INPP1: variants seen among roughly 807,000 people sequenced by gnomAD.
INPP1 encodes inositol polyphosphate 1-phosphatase.
In INPP1, 18 loss-of-function variants were observed where a neutral mutation model predicts 23.0. The observed-to-expected ratio is 0.78, with a 90% CI of 0.54 to 1.16. The LOEUF is 1.16. Ranked by LOEUF, INPP1 falls within the 50% of genes most tolerant of loss-of-function variation. The pLI is 0.00. For synonymous variants in INPP1, 164 were observed against 176.3 expected, an observed-to-expected ratio of 0.93 and a Z score of 0.55; for missense variants, 448 against 482.1, an observed-to-expected ratio of 0.93 and a Z score of 0.66.
At chr2:190,362,556 T>A (rs952677926) in intron 3 of INPP1, 71 bp from the exon 4 acceptor site, 26 of 858,202 alleles carry the variant, frequency 3.0e-5, no homozygotes, top group Non-Finnish European at 4.5e-5. Flanking sequence ...AATATAAAAT[T>A]GAAATCTGTT....
At chr2:190,360,744 G>C (rs932799983) in intron 3 of INPP1, among the ~76,000 whole-genome samples, 1 of 151,346 alleles carries the variant, frequency 6.6e-6, no homozygotes, top group African/African-American at 2.4e-5. Context: ...CACATACAAT[G>C]TATTGCAACA....
At position 190,354,639 on chromosome 2, in the gene INPP1, C is replaced by T. The variant is rs933024055; in HGVS notation, c.-64-5400C>T. 5.3e-5 allele frequency among the ~76,000 whole-genome samples: 8 copies of T among 152,240 alleles called. No individual in the cohort carries two copies. The highest frequency in any genetic ancestry group is 1.7e-4 in the African/African-American group (7 of 41,464). On this transcript the variant is annotated intron_variant, in intron 2 of 6. Transcript: ENST00000392329. This position sits in a 1 kb window ranked among gnomAD's most constrained non-coding sequence, Gnocchi z 4.8. ...AAACCAGTCCTGCTGACACCTTGCT[C>T]TTGGACTTCCAGTCCCCAGAACTGT...
chr2:190,347,686 A>G (rs1266800279), intron 1 of INPP1, among the ~76,000 whole-genome samples: 4 of 152,216 alleles, frequency 2.6e-5, no homozygotes, highest in African/African-American at 4.8e-5. Flanking sequence ...TTTTCCTCTA[A>G]AGTGACAGTG....
chr2:190,360,255 G>T lies in INPP1; in HGVS notation c.153G>T (p.Thr51=), dbSNP rs4656. The change falls in exon 3 of 7, where the codon ACG becomes ACT. Residue 51 remains threonine (T), a synonymous_variant. Coordinates refer to ENST00000392329, the MANE Select transcript of INPP1 (RefSeq NM_001128928.2). The stretch of plus-strand genomic sequence containing the variant: ...AGAAGTTTGCAGTTGACTTCAAGAC[G>T]CTGGCTGATGTACTGGTACAGGAAG... The part of the protein sequence containing the change: ...KNKKFAVDFK[T]LADVLVQEVI... The T allele has an allele frequency of 0.33, 525,136 of 1,613,426 alleles. 91,665 individuals carry two copies. Among genetic ancestry groups the T allele is most frequent in the African/African-American group, 0.66 (49,761 of 74,926 alleles).
rs7592352 is a variant in INPP1 at position 190,370,884 on chromosome 2, A to G, written c.682A>G (p.Thr228Ala). The change falls in exon 7 of 7, where the codon ACC becomes GCC. Residue 228 changes from threonine to alanine, a missense_variant. Physicochemically the swap from Thr to Ala is moderately conservative, Grantham distance 58. Transcript: ENST00000392329. ...CTATTGGGGCCTTTCTTACATGGGG[A>G]CCAACATGCATTCACTACAGCTCAC... ...QCYWGLSYMG[T>A]NMHSLQLTIS... 0.027 allele frequency: 43,811 copies of G among 1,613,766 alleles called. 1,506 individuals are homozygous for G. Among genetic ancestry groups the G allele is most frequent in the African/African-American group, 0.16 (12,236 of 74,976 alleles).
chr2:190,350,825 AAATT>A (rs1255789312), intron 2 of INPP1, among the ~76,000 whole-genome samples: 2 of 152,246 alleles, frequency 1.3e-5, no homozygotes, highest in African/African-American at 2.4e-5. Context: ...TGATTTAATT[AAATT>A]AATCTTGTCA....
chr2:190,353,110 C>A (rs1393293554), intron 2 of INPP1, among the ~76,000 whole-genome samples: 1 of 152,184 alleles, frequency 6.6e-6, no homozygotes, highest in Non-Finnish European at 1.5e-5. Context: ...GTGGCAGGCC[C>A]TTATCTATGT....
chr2:190,369,218 G>T lies in INPP1; in HGVS notation c.582G>T (p.Gly194=), dbSNP rs199940421. ...TTGGTGTCTATGACATACAGACAGGGGTTCCCCTGATGGGAGTCATCAATC... is the reference window on the plus strand; with the variant it reads ...TTGGTGTCTATGACATACAGACAGGTGTTCCCCTGATGGGAGTCATCAATC... ...ILIGVYDIQT[G]VPLMGVINQP... Residue 194 remains glycine, a synonymous_variant, in exon 6 of 7, where the codon GGG becomes GGT. Coordinates refer to ENST00000392329, the MANE Select transcript of INPP1 (RefSeq NM_001128928.2). 2 of 1,605,278 alleles carry T rather than the reference G, an allele frequency of 1.2e-6. No homozygotes were observed. Among genetic ancestry groups the T allele is most frequent in the Non-Finnish European group, 1.7e-6 (2 of 1,173,116 alleles).
intron 1 of INPP1, among the ~76,000 whole-genome samples, chr2:190,348,198 T>C (rs144224398): frequency 6.6e-6 from 1 of 152,278 alleles, no homozygotes; most frequent in African/African-American, 2.4e-5. Context: ...GAAATCAACT[T>C]AAATAGCCTA....
rs1349411129 is a variant in INPP1 at position 190,367,093 on chromosome 2, C to T, written c.466+198C>T. Among the ~76,000 whole-genome samples, 3 of 151,896 alleles carry T rather than the reference C, an allele frequency of 2.0e-5. No homozygotes were observed. Among genetic ancestry groups the T allele is most frequent in the Non-Finnish European group, 4.4e-5 (3 of 68,006 alleles). ...TGTATATATACATATATATTATAGC[C>T]GTGTGTATATATATACATATCTATA... On this transcript the variant is annotated intron_variant, in intron 5 of 6. Transcript: ENST00000392329. The surrounding 1 kb of genome is among the most constrained non-coding windows in gnomAD (Gnocchi z 4.1).
rs1420156535 is a variant in INPP1 at position 190,367,772 on chromosome 2, C to T, written c.466+877C>T. 6.6e-6 allele frequency among the ~76,000 whole-genome samples: 1 copy of T among 152,096 alleles called. No individual in the cohort carries two copies. Among genetic ancestry groups the T allele is most frequent in the Admixed American group, 6.5e-5 (1 of 15,272 alleles). ...TAGAGAAGGGGTTTTTACCATGTTT[C>T]CCAGGCTGGTCTCGAACTCCTGGGT... On this transcript the variant is annotated intron_variant, in intron 5 of 6. Transcript: ENST00000392329. The surrounding 1 kb of genome is among the most constrained non-coding windows in gnomAD (Gnocchi z 4.1).
At chr2:190,348,743 T>C (rs969533355) in intron 1 of INPP1, 145 bp from the exon 2 acceptor site, 3 of 152,246 alleles carry the variant, frequency 2.0e-5, no homozygotes, top group Non-Finnish European at 4.4e-5. Flanking sequence ...GGCTGAATAA[T>C]ATTTCCCAAT....
intron 2 of INPP1, among the ~76,000 whole-genome samples, chr2:190,350,237 C>T (rs796182169): frequency 3.8e-4 from 58 of 152,314 alleles, no homozygotes; most frequent in African/African-American, 1.3e-3. Context: ...AAAATTGTTA[C>T]GTTACTACAG....
In INPP1 at chr2:190,369,408, C is replaced by T. The variant is rs141259736; in HGVS notation, c.641+131C>T. The T allele has an allele frequency of 9.8e-4, 487 of 495,152 alleles. 11 individuals carry two copies. In the East Asian group the frequency reaches 0.014, roughly 15 times the overall value. 30.7% of individuals were successfully genotyped at this position (495,152 alleles called of 1,614,324 possible). Reference sequence around the variant, plus strand: ...TGGGAGTGTTGCCATTGAAAGTCTGCGTATTTGAATTAAAGTTCTATTTTC... The same window carrying T: ...TGGGAGTGTTGCCATTGAAAGTCTGTGTATTTGAATTAAAGTTCTATTTTC... On this transcript the variant is annotated intron_variant, in intron 6 of 6. Transcript: ENST00000392329.
Position 190,354,042 on chromosome 2 carries a change from C to A in INPP1, c.-65+5011C>A, listed in dbSNP as rs59822230. On this transcript the variant is annotated intron_variant, in intron 2 of 6. Coordinates refer to ENST00000392329, the MANE Select transcript of INPP1 (RefSeq NM_001128928.2). The surrounding 1 kb of genome is among the most constrained non-coding windows in gnomAD (Gnocchi z 4.8). ...CAATTTTATGTTAAACATATAGATA[C>A]GTACATTTGGTTTGAGATGGAAGGA... Among the ~76,000 whole-genome samples the A allele has an allele frequency of 0.02, 3,070 of 152,222 alleles. 109 individuals carry two copies. The highest frequency in any genetic ancestry group is 0.069 in the African/African-American group (2,859 of 41,528).
In INPP1 at chr2:190,344,574, A is replaced by G. The variant is rs544793567; in HGVS notation, c.-209+613A>G. Among the ~76,000 whole-genome samples, 3 of 152,338 alleles carry G rather than the reference A, an allele frequency of 2.0e-5. No individual in the cohort carries two copies. In the South Asian group the frequency reaches 6.2e-4, roughly 32 times the overall value. On this transcript the variant is annotated intron_variant, in intron 1 of 6. Transcript: ENST00000392329. ...CTGCATTTTGAAAGGTGGTTTTGTG[A>G]GGTGTGCATAATTAGTTGGTGTGTC...
In INPP1 at chr2:190,365,891, GTCTCTTGCTCTGTCTCGC is replaced by G. The variant is rs1339524317; in HGVS notation, c.266-787_266-770del. Among the ~76,000 whole-genome samples, 7 of 139,430 alleles carry G rather than the reference GTCTCTTGCTCTGTCTCGC, an allele frequency of 5.0e-5. No homozygotes were observed. The East Asian group carries it at 1.6e-3, about 32-fold the overall frequency. The allele number at this position is 139,430 out of a possible 152,430, so 91.5% of individuals were successfully genotyped here. ...TCTCTCTTGCTCTGTCTCTCTCTGT[GTCTCTTGCTCTGTCTCGC>G]TCTCTTGCTCTGTCTCACTGTCTCT... On this transcript the variant is annotated intron_variant, in intron 4 of 6. Coordinates refer to ENST00000392329, the MANE Select transcript of INPP1 (RefSeq NM_001128928.2).
At chr2:190,349,702 A>T (rs911118220) in intron 2 of INPP1, among the ~76,000 whole-genome samples, 1 of 151,878 alleles carries the variant, frequency 6.6e-6, no homozygotes, top group African/African-American at 2.4e-5. Context: ...CTCTTAGCAT[A>T]CAAAAACTTA....
At chr2:190,366,931 A>G (rs747397425) in intron 5 of INPP1, 36 bp downstream of exon 5, 27 of 1,448,422 alleles carry the variant, frequency 1.9e-5, no homozygotes, top group Non-Finnish European at 2.6e-5. Flanking sequence ...CTTATTTGCA[A>G]TCTTTTTTTT....
Sources: allele counts gnomAD v4.1 joint callset (sites outside exome capture counted in the v4.1 genomes callset), GRCh38; gene constraint gnomAD v4.1.1; non-coding constraint Gnocchi (gnomAD v3.1); transcripts MANE v1.5; gene names NCBI Gene and HGNC (gene_info 2026-07-23, HGNC 2026-07-21).